LAPTM4A: variants seen among roughly 807,000 people sequenced by gnomAD.
LAPTM4A encodes the protein lysosomal-associated transmembrane protein 4A.
LAPTM4A carries 19 observed loss-of-function variants against 29.9 expected under a neutral mutation model. The observed-to-expected ratio is 0.64, with a 90% confidence interval of 0.44 to 0.93. LAPTM4A has a LOEUF of 0.93. Among genes scored for constraint, LAPTM4A ranks in the 40% least tolerant of loss-of-function variants. LAPTM4A has a pLI of 0.00. For missense variants in LAPTM4A, 293 were observed against 288.5 expected (o/e 1.02, Z -0.11); for synonymous variants, 105 against 102.1 (o/e 1.03, Z -0.17).
Position 20,051,602 on chromosome 2 carries a change from G to A in LAPTM4A, c.-82C>T. On this transcript the variant is annotated 5_prime_UTR_variant, in exon 1 of 7. Transcript: ENST00000175091. ...GCCAAACTCAAACGGCTGTTTCACGGCCTCCAAAACCCAACGACGCGTCTT... is the reference window on the plus strand; with the variant it reads ...GCCAAACTCAAACGGCTGTTTCACGACCTCCAAAACCCAACGACGCGTCTT... 1.1e-6 allele frequency: 1 copy of A among 927,022 alleles called. No individual in the cohort carries two copies. Among genetic ancestry groups the A allele is most frequent in the Non-Finnish European group, 1.7e-6 (1 of 599,302 alleles). The allele number at this position is 927,022 out of a possible 1,614,324, so 57.4% of individuals were successfully genotyped here.
Position 20,034,948 on chromosome 2 carries a change from G to T in LAPTM4A, c.528+19C>A, listed in dbSNP as rs370799053. On this transcript the variant is annotated intron_variant, in intron 5 of 6. Coordinates refer to ENST00000175091, the MANE Select transcript of LAPTM4A (RefSeq NM_014713.5). ...AGTGTCAATCTCAGTCACCCCTAAAGATTTAGTCAGCAACGTACCTTAAAA... is the reference window on the plus strand; with the variant it reads ...AGTGTCAATCTCAGTCACCCCTAAATATTTAGTCAGCAACGTACCTTAAAA... 1.4e-5 allele frequency: 22 copies of T among 1,568,490 alleles called. No homozygotes were observed. In the African/African-American group the frequency reaches 2.9e-4, roughly 20 times the overall value.
At chr2:20,046,173 T>A (rs1357905049) in intron 1 of LAPTM4A, among the ~76,000 whole-genome samples, 8 of 152,034 alleles carry the variant, frequency 5.3e-5, no homozygotes, top group Non-Finnish European at 1.0e-4. Flanking sequence ...GTGGGGAACA[T>A]CACACACCTA....
At chr2:20,039,822 G>C (rs994947840) in intron 2 of LAPTM4A, among the ~76,000 whole-genome samples, 1 of 152,192 alleles carries the variant, frequency 6.6e-6, no homozygotes, top group African/African-American at 2.4e-5. Context: ...GGGAGGCTGA[G>C]GCGGGTGGAT....
intron 4 of LAPTM4A, 36 bp downstream of exon 4, chr2:20,037,280 G>GAA: frequency 2.7e-6 from 4 of 1,473,358 alleles, no homozygotes; most frequent in Non-Finnish European, 3.7e-6. Flanking sequence ...TACTCAAAAT[G>GAA]AAAAAAAAAT....
rs551250008 is a variant in LAPTM4A at position 20,035,073 on chromosome 2, AAC to A, written c.433-13_433-12del. ...GTAGGGAAAATCAGGCTATTAAAGA[AAC>A]ACACACACATTTACAAGTCAGCCAT... On this transcript the variant is annotated splice_polypyrimidine_tract_variant and intron_variant, in intron 4 of 6. Transcript: ENST00000175091. 8.4e-4 allele frequency: 1,329 copies of A among 1,579,200 alleles called. 2 individuals carry two copies. Among genetic ancestry groups the A allele is most frequent in the Non-Finnish European group, 1.1e-3 (1,245 of 1,149,742 alleles).
chr2:20,047,534 C>T (rs1191821), intron 1 of LAPTM4A, among the ~76,000 whole-genome samples: 39,795 of 146,340 alleles, frequency 0.27, 6,416 homozygotes, highest in Middle Eastern at 0.45. Flanking sequence ...ACTAAAAATA[C>T]AAAAAATTAG....
intron 5 of LAPTM4A, among the ~76,000 whole-genome samples, 197 bp from the exon 6 acceptor site, chr2:20,034,612 CAG>C (rs1673641427): frequency 6.6e-6 from 1 of 152,196 alleles, no homozygotes; most frequent in African/African-American, 2.4e-5. Flanking sequence ...GCCAACATTT[CAG>C]AGAGAAACCA....
Position 20,041,025 on chromosome 2 carries a change from C to T in LAPTM4A, c.112-14G>A. 1 of 1,613,302 alleles carries T rather than the reference C, an allele frequency of 6.2e-7. No individual in the cohort carries two copies. The highest frequency in any genetic ancestry group is 8.5e-7 in the Non-Finnish European group (1 of 1,179,442). ...TAGGTTTACTACCTGGAAAAGATAA[C>T]ATTCTATCAGTTACATTAATTACCA... On this transcript the variant is annotated splice_polypyrimidine_tract_variant and intron_variant, in intron 1 of 6. Transcript: ENST00000175091.
Position 20,037,573 on chromosome 2 carries a change from T to C in LAPTM4A, c.274A>G (p.Ile92Val). Residue 92 changes from isoleucine (I) to valine (V), a missense_variant, in exon 3 of 7, where the codon ATA (isoleucine) becomes GTA (valine). By Grantham distance (29) the Ile-to-Val change is conservative (BLOSUM62 3). Transcript: ENST00000175091. ...VLFAVSVLMFIISSMLVYGAI... is the reference protein window; with the variant it reads ...VLFAVSVLMFVISSMLVYGAI... The stretch of plus-strand genomic sequence containing the variant: ...CCATAAACCAGCATTGAACTGATTA[T>C]AAACATAAGAACAGAGACGGCAAAA... 6.2e-7 allele frequency: 1 copy of C among 1,610,250 alleles called. No individual in the cohort carries two copies. The highest frequency in any genetic ancestry group is 8.5e-7 in the Non-Finnish European group (1 of 1,178,644).
At chr2:20,050,546 G>A (rs1674030997) in intron 1 of LAPTM4A, among the ~76,000 whole-genome samples, 1 of 152,190 alleles carries the variant, frequency 6.6e-6, no homozygotes, top group Non-Finnish European at 1.5e-5. Flanking sequence ...ATATTTGGAA[G>A]TCATAGACAA....
rs533704310 is a variant in LAPTM4A, at chr2:20,044,440, T to C, written c.112-3429A>G. 4.8e-4 allele frequency among the ~76,000 whole-genome samples: 73 copies of C among 152,298 alleles called. 2 individuals are homozygous for C. In the South Asian group the frequency reaches 0.015, roughly 31 times the overall value. ...AAGGGAATGACATGCCAAAAACATT[T>C]AGGAGTTCTATTTTCCCTTCTTAAA... On this transcript the variant is annotated intron_variant, in intron 1 of 6. Coordinates refer to ENST00000175091, the MANE Select transcript of LAPTM4A (RefSeq NM_014713.5).
At chr2:20,048,213 A>G (rs1673977795) in intron 1 of LAPTM4A, among the ~76,000 whole-genome samples, 1 of 152,238 alleles carries the variant, frequency 6.6e-6, no homozygotes, top group Admixed American at 6.5e-5. Context: ...TTTTAAGTCC[A>G]TTTTCAATTA....
intron 5 of LAPTM4A, 42 bp from the exon 6 acceptor site, chr2:20,034,457 A>G (rs1478531264): frequency 3.1e-6 from 4 of 1,281,816 alleles, no homozygotes; most frequent in Non-Finnish European, 3.4e-6. Context: ...TAGAAACTCA[A>G]CAGACTACCT....
At chr2:20,034,506 C>T (rs1673639442) in intron 5 of LAPTM4A, 91 bp from the exon 6 acceptor site, 2 of 871,248 alleles carry the variant, frequency 2.3e-6, no homozygotes. Context: ...TTTCCCCACA[C>T]ATCCTCTGTG....
At chr2:20,037,511 T>C (rs1673704011) in intron 3 of LAPTM4A, 27 bp downstream of exon 3, 3 of 1,601,584 alleles carry the variant, frequency 1.9e-6, no homozygotes, top group Admixed American at 1.7e-5. Context: ...GGTCAAACTC[T>C]AAAAGATGAA....
intron 2 of LAPTM4A, 125 bp from the exon 3 acceptor site, chr2:20,037,739 A>G: frequency 1.8e-6 from 1 of 555,596 alleles, no homozygotes; most frequent in Non-Finnish European, 3.0e-6. Flanking sequence ...AAAAGATCTA[A>G]GGCCAAGAGG....
In LAPTM4A at chr2:20,037,453, A is replaced by T; in HGVS notation, c.310-15T>A. On this transcript the variant is annotated splice_polypyrimidine_tract_variant and intron_variant, in intron 3 of 6. Transcript: ENST00000175091. Reference sequence around the variant, plus strand: ...CCCACTTGATACTGGAGAAAAAATAACAACCATAACATTGTATCACATATA... The same window carrying T: ...CCCACTTGATACTGGAGAAAAAATATCAACCATAACATTGTATCACATATA... 1 of 1,605,808 alleles carries T rather than the reference A, an allele frequency of 6.2e-7. No individual in the cohort carries two copies. The highest frequency in any genetic ancestry group is 8.5e-7 in the Non-Finnish European group (1 of 1,177,614).
intron 2 of LAPTM4A, among the ~76,000 whole-genome samples, chr2:20,039,721 C>G (rs1328068606): frequency 1.3e-5 from 2 of 151,870 alleles, no homozygotes; most frequent in African/African-American, 4.8e-5. Context: ...CTCTAAAAAA[C>G]TTTTTTTAAA....
At chr2:20,046,783 T>G (rs556824914) in intron 1 of LAPTM4A, among the ~76,000 whole-genome samples, 24 of 145,292 alleles carry the variant, frequency 1.7e-4, no homozygotes, top group Admixed American at 4.9e-4. Flanking sequence ...TATATAAATA[T>G]ATATATAATA....
Sources: gnomAD v4.1 joint callset for allele counts (sites outside exome capture counted in the v4.1 genomes callset) on GRCh38, gnomAD v4.1.1 for gene constraint, MANE v1.5 for transcripts, NCBI Gene and HGNC (gene_info 2026-07-23, HGNC 2026-07-21) for gene names.